Variants in PLCXD3 observed in about 807,000 individuals in gnomAD.
PLCXD3 encodes phosphatidylinositol specific phospholipase C X domain containing 3, also known as PI-PLC X domain-containing protein 3.
PLCXD3 carries 19 observed loss-of-function variants against 25.5 expected under a neutral mutation model. The observed-to-expected ratio is 0.75, with a 90% CI of 0.52 to 1.09. The LOEUF is 1.09. Among genes scored for constraint, PLCXD3 ranks in the 50% least tolerant of loss-of-function variants. PLCXD3 has a pLI of 0.00. For missense variants in PLCXD3, 411 were observed against 388.1 expected (o/e 1.06, Z -0.50); for synonymous variants, 174 against 137.6 (o/e 1.26, Z -1.85).
At chr5:41,439,729 A>G (rs796886265) in intron 1 of PLCXD3, among the ~76,000 whole-genome samples, 2 of 152,292 alleles carry the variant, frequency 1.3e-5, no homozygotes, top group African/African-American at 4.8e-5. Context: ...TTCCTGTTAT[A>G]TGCAATGAAA....
At chr5:41,331,497 C>T (rs1021607115) in intron 2 of PLCXD3, among the ~76,000 whole-genome samples, 4 of 152,092 alleles carry the variant, frequency 2.6e-5, no homozygotes, top group African/African-American at 9.7e-5. Context: ...GAGTCAATAT[C>T]GTGAAAATGG....
chr5:41,397,179 G>A (rs1349525126), intron 1 of PLCXD3, among the ~76,000 whole-genome samples: 2 of 152,136 alleles, frequency 1.3e-5, no homozygotes, highest in East Asian at 3.9e-4. Context: ...AGACCTTTGT[G>A]GCAGCCCCTC....
At chr5:41,468,524 T>C (rs141771911) in intron 1 of PLCXD3, among the ~76,000 whole-genome samples, 2,114 of 152,266 alleles carry the variant, frequency 0.014, 53 homozygotes, top group African/African-American at 0.047. Flanking sequence ...GATCTCTTCA[T>C]TTATCTTTGT....
intron 1 of PLCXD3, among the ~76,000 whole-genome samples, chr5:41,436,565 A>T (rs1747259478): frequency 6.6e-6 from 1 of 152,202 alleles, no homozygotes. Flanking sequence ...TAATGGCATT[A>T]GCAGGCATTC....
intron 1 of PLCXD3, among the ~76,000 whole-genome samples, chr5:41,402,284 T>C (rs2150500063): frequency 6.6e-6 from 1 of 151,916 alleles, no homozygotes; most frequent in African/African-American, 2.4e-5. Flanking sequence ...GTGTTATATT[T>C]TCATTTTCAT....
chr5:41,503,480 C>T (rs1748995387), intron 1 of PLCXD3, among the ~76,000 whole-genome samples: 2 of 152,106 alleles, frequency 1.3e-5, no homozygotes, highest in South Asian at 4.1e-4. Flanking sequence ...CTAACAGATC[C>T]ATGGGCCATC....
At chr5:41,412,811 A>G (rs1469530997) in intron 1 of PLCXD3, among the ~76,000 whole-genome samples, 1 of 152,238 alleles carries the variant, frequency 6.6e-6, no homozygotes, top group Non-Finnish European at 1.5e-5. Flanking sequence ...TACAATTTAG[A>G]GTATACACAG....
At chr5:41,502,071 G>A (rs1748963172) in intron 1 of PLCXD3, among the ~76,000 whole-genome samples, 1 of 152,062 alleles carries the variant, frequency 6.6e-6, no homozygotes, top group South Asian at 2.1e-4. Context: ...ATCCCATAGA[G>A]GTGGAGAAAA....
At chr5:41,510,386 G>A (rs1254099353) in intron 1 of PLCXD3, 38 bp downstream of exon 1, 1 of 1,539,588 alleles carries the variant, frequency 6.5e-7, no homozygotes, top group Non-Finnish European at 8.8e-7. Context: ...AGGTGGAGCG[G>A]GCGCCGAGCG....
At position 41,320,030 on chromosome 5, in the gene PLCXD3, C is replaced by T. The variant is rs541237922; in HGVS notation, c.813-6260G>A. On this transcript the variant is annotated intron_variant, in intron 2 of 2. Transcript: ENST00000377801. ...CAAGAAATGAACAAATTCCTAGACA[C>T]ATACAACCTACCAAGATTGAACTAG... Among the ~76,000 whole-genome samples the T allele has an allele frequency of 3.3e-5, 5 of 152,168 alleles. No individual in the cohort carries two copies. The East Asian group carries it at 7.7e-4, about 23-fold the overall frequency.
intron 1 of PLCXD3, among the ~76,000 whole-genome samples, chr5:41,481,102 TAAAAAAAAAAAAA>T (rs554092157): frequency 2.7e-5 from 2 of 72,908 alleles, no homozygotes; most frequent in Non-Finnish European, 5.2e-5. Context: ...ACCTAATTTG[TAAAAAAAAAAAAA>T]AAAAAAAAAA....
At chr5:41,351,737 A>G (rs745792844) in intron 2 of PLCXD3, among the ~76,000 whole-genome samples, 3 of 152,344 alleles carry the variant, frequency 2.0e-5, no homozygotes, top group Admixed American at 1.3e-4. Flanking sequence ...TCATTGATTC[A>G]ATGAATAAGA....
At chr5:41,428,471 G>A (rs1349433186) in intron 1 of PLCXD3, among the ~76,000 whole-genome samples, 1 of 151,146 alleles carries the variant, frequency 6.6e-6, no homozygotes, top group East Asian at 1.9e-4. Flanking sequence ...GACACCAGGG[G>A]CGTATGTACA....
At chr5:41,407,352 C>T (rs1746382029) in intron 1 of PLCXD3, among the ~76,000 whole-genome samples, 2 of 151,934 alleles carry the variant, frequency 1.3e-5, no homozygotes, top group African/African-American at 4.8e-5. Flanking sequence ...GAAGATAGTT[C>T]AAATTGTGAA....
chr5:41,400,172 C>A (rs1226272221), intron 1 of PLCXD3, among the ~76,000 whole-genome samples: 1 of 151,762 alleles, frequency 6.6e-6, no homozygotes, highest in Non-Finnish European at 1.5e-5. Context: ...GGCTTATATA[C>A]AAAGAGAGCC....
At chr5:41,385,389 A>G (rs1173784574) in intron 1 of PLCXD3, among the ~76,000 whole-genome samples, 1 of 151,886 alleles carries the variant, frequency 6.6e-6, no homozygotes. Flanking sequence ...TTTAGTTTCC[A>G]TTTGCCCTCT....
At chr5:41,352,498 C>CA (rs1744492242) in intron 2 of PLCXD3, among the ~76,000 whole-genome samples, 1 of 152,114 alleles carries the variant, frequency 6.6e-6, no homozygotes, top group Non-Finnish European at 1.5e-5. Flanking sequence ...CAAATTTTGG[C>CA]AAAAGCAGGT....
chr5:41,422,675 A>G (rs1161783749), intron 1 of PLCXD3, among the ~76,000 whole-genome samples: 1 of 152,216 alleles, frequency 6.6e-6, no homozygotes, highest in Non-Finnish European at 1.5e-5. Context: ...TCTTTTAAAG[A>G]GTCTTCAATA....
intron 1 of PLCXD3, among the ~76,000 whole-genome samples, chr5:41,507,347 A>G (rs1358745357): frequency 1.3e-5 from 2 of 152,258 alleles, no homozygotes; most frequent in Admixed American, 6.5e-5. Context: ...AGGAAATAAT[A>G]AACAAGGCTG....
Sources: allele counts gnomAD v4.1 joint callset (sites outside exome capture counted in the v4.1 genomes callset), GRCh38; gene constraint gnomAD v4.1.1; transcripts MANE v1.5; gene names NCBI Gene and HGNC (gene_info 2026-07-23, HGNC 2026-07-21).